Variants in AGBL1 observed in about 807,000 individuals in gnomAD.
AGBL1 encodes the protein AGBL carboxypeptidase 1, also known as cytosolic carboxypeptidase 4.
In AGBL1, 130 loss-of-function variants were observed where a neutral mutation model predicts 118.9. The observed-to-expected ratio is 1.09, with a 90% CI of 0.95 to 1.26. The LOEUF (loss-of-function observed/expected upper bound fraction) is 1.26. Ranked by LOEUF, AGBL1 falls within the 50% of genes most tolerant of loss-of-function variation. The pLI is 0.00. For missense variants in AGBL1, 1,584 were observed against 1,298.1 expected, an observed-to-expected ratio of 1.22 and a Z score of -3.38; for synonymous variants, 555 against 478.9, an observed-to-expected ratio of 1.16 and a Z score of -2.08.
chr15:86,493,769 C>T (rs2082812845), intron 18 of AGBL1, among the ~76,000 whole-genome samples: 1 of 152,068 alleles, frequency 6.6e-6, no homozygotes. Context: ...ACATCATCGA[C>T]TCCAGTGAAG....
chr15:86,938,308 C>T (rs1030077901), intron 23 of AGBL1, among the ~76,000 whole-genome samples: 6 of 152,242 alleles, frequency 3.9e-5, no homozygotes, highest in Admixed American at 6.5e-5. Context: ...CCATCTTGCA[C>T]GGGACACAGA....
At chr15:86,387,681 T>C (rs1227707430) in intron 17 of AGBL1, among the ~76,000 whole-genome samples, 2 of 152,208 alleles carry the variant, frequency 1.3e-5, no homozygotes, top group East Asian at 3.9e-4. Flanking sequence ...TATCCTTCAA[T>C]CAGTTTCCAA....
intron 5 of AGBL1, among the ~76,000 whole-genome samples, chr15:86,188,841 A>G (rs2077672661): frequency 6.6e-6 from 1 of 152,194 alleles, no homozygotes; most frequent in African/African-American, 2.4e-5. Flanking sequence ...ACAAGAAGAA[A>G]TCTCTTGTAA....
chr15:86,886,039 G>A (rs1033805041), intron 22 of AGBL1, among the ~76,000 whole-genome samples: 51 of 152,276 alleles, frequency 3.3e-4, no homozygotes, highest in African/African-American at 1.0e-3. Flanking sequence ...TAGCATTGCT[G>A]ATTTTTTGGT....
At chr15:86,423,687 G>T (rs1322811176) in intron 18 of AGBL1, among the ~76,000 whole-genome samples, 1 of 152,172 alleles carries the variant, frequency 6.6e-6, no homozygotes, top group Non-Finnish European at 1.5e-5. Flanking sequence ...CTTCAGCAAA[G>T]TCTCCGTATA....
At chr15:86,559,719 T>C (rs758263201) in intron 21 of AGBL1, among the ~76,000 whole-genome samples, 3 of 152,172 alleles carry the variant, frequency 2.0e-5, no homozygotes, top group Admixed American at 6.5e-5. Context: ...ATGAGACCAC[T>C]GAGACAGAGA....
intron 21 of AGBL1, among the ~76,000 whole-genome samples, chr15:86,578,540 G>A (rs751748025): frequency 1.4e-4 from 21 of 152,316 alleles, no homozygotes; most frequent in Admixed American, 2.6e-4. Flanking sequence ...GTGAGGACAT[G>A]AGATTTGGGA....
At chr15:86,209,221 G>C (rs906141467) in intron 5 of AGBL1, among the ~76,000 whole-genome samples, 9 of 152,136 alleles carry the variant, frequency 5.9e-5, no homozygotes, top group African/African-American at 2.2e-4. Context: ...TGACTGAGGA[G>C]TGCTTTACTT....
At chr15:86,304,065 A>G (rs2079797911) in intron 17 of AGBL1, among the ~76,000 whole-genome samples, 1 of 152,158 alleles carries the variant, frequency 6.6e-6, no homozygotes, top group Admixed American at 6.6e-5. Flanking sequence ...CCTTCAAGAT[A>G]CAATCACCCA....
At chr15:86,478,811 C>A (rs2082601589) in intron 18 of AGBL1, among the ~76,000 whole-genome samples, 1 of 152,196 alleles carries the variant, frequency 6.6e-6, no homozygotes, top group African/African-American at 2.4e-5. Context: ...CTGGAGGCAT[C>A]TCACTACCTG....
chr15:86,655,375 C>T (rs773244181), intron 21 of AGBL1, among the ~76,000 whole-genome samples: 4 of 152,280 alleles, frequency 2.6e-5, no homozygotes, highest in Non-Finnish European at 5.9e-5. Context: ...CCAATACACG[C>T]AATGATGTCC....
intron 17 of AGBL1, among the ~76,000 whole-genome samples, chr15:86,358,546 G>T (rs994621901): frequency 2.6e-5 from 4 of 151,974 alleles, no homozygotes; most frequent in Non-Finnish European, 4.4e-5. Context: ...TGTATACCTA[G>T]AAGTGGGATT....
At chr15:86,174,848 C>T (rs1210423119) in intron 5 of AGBL1, among the ~76,000 whole-genome samples, 1 of 151,958 alleles carries the variant, frequency 6.6e-6, no homozygotes, top group Admixed American at 6.6e-5. Context: ...GTTAAATCCC[C>T]CTTGATCATG....
chr15:86,438,007 G>A (rs1254562414), intron 18 of AGBL1, among the ~76,000 whole-genome samples: 5 of 152,136 alleles, frequency 3.3e-5, no homozygotes, highest in Non-Finnish European at 1.5e-5. Flanking sequence ...CCAGGTTCAA[G>A]CGATTCTCCT....
chr15:86,733,613 G>A (rs1361637206), intron 22 of AGBL1, among the ~76,000 whole-genome samples: 2 of 152,094 alleles, frequency 1.3e-5, no homozygotes, highest in Admixed American at 1.3e-4. Context: ...TGTTGTTGTT[G>A]TATTTAAATA....
chr15:86,710,232 A>G (rs532661480), intron 22 of AGBL1, among the ~76,000 whole-genome samples: 1 of 152,328 alleles, frequency 6.6e-6, no homozygotes, highest in Admixed American at 6.5e-5. Flanking sequence ...TGGGAAAAAT[A>G]TAATTAGACA....
In AGBL1 at chr15:86,613,840, G is replaced by C. The variant is rs1156399518; in HGVS notation, c.2994+59303G>C. Among the ~76,000 whole-genome samples, 4 of 152,158 alleles carry C rather than the reference G, an allele frequency of 2.6e-5. No homozygotes were observed. Among genetic ancestry groups the C allele is most frequent in the African/African-American group, 9.7e-5 (4 of 41,436 alleles). On this transcript the variant is annotated intron_variant, in intron 21 of 22. Transcript: ENST00000614907. This position sits in a 1 kb window ranked among gnomAD's most constrained non-coding sequence, Gnocchi z 4.2. ...ATATGTAGCATAGTAAGATTCTTGA[G>C]TGATCTATATGCATGTTAATGTTTG...
chr15:86,904,550 A>C (rs1398849319), intron 22 of AGBL1, among the ~76,000 whole-genome samples: 3 of 148,490 alleles, frequency 2.0e-5, no homozygotes, highest in Non-Finnish European at 4.5e-5. Context: ...TGTTTATAAC[A>C]TATTATGTTA....
At chr15:86,777,298 T>C (rs2078270883) in intron 22 of AGBL1, among the ~76,000 whole-genome samples, 1 of 152,068 alleles carries the variant, frequency 6.6e-6, no homozygotes, top group African/African-American at 2.4e-5. Context: ...TATTTATAAT[T>C]ACTTACTGGT....
Sources: allele counts gnomAD v4.1 joint callset (sites outside exome capture counted in the v4.1 genomes callset), GRCh38; gene constraint gnomAD v4.1.1; non-coding constraint Gnocchi (gnomAD v3.1); transcripts MANE v1.5; gene names NCBI Gene and HGNC (gene_info 2026-07-23, HGNC 2026-07-21).